The following ADGRL3 variants were observed in gnomAD, a reference collection of about 807,000 sequenced individuals.
ADGRL3 encodes the protein calcium-independent alpha-latrotoxin receptor 3.
A neutral mutation model predicts 153.5 loss-of-function variants in ADGRL3; 62 were observed. The observed-to-expected ratio is 0.40, with a 90% confidence interval of 0.33 to 0.50. ADGRL3 has a LOEUF of 0.50. Among genes scored for constraint, ADGRL3 ranks in the 20% least tolerant of loss-of-function variants. ADGRL3 has a pLI of 0.47. For missense variants in ADGRL3, 1,641 were observed against 1,859.4 expected (o/e 0.88, Z 2.16); for synonymous variants, 710 against 672.5 (o/e 1.06, Z -0.86).
intron 4 of ADGRL3, among the ~76,000 whole-genome samples, chr4:61,581,910 CT>C (rs1181550029): frequency 7.2e-5 from 11 of 151,998 alleles, no homozygotes; most frequent in African/African-American, 2.4e-4. Flanking sequence ...ACCATCTTTT[CT>C]TATCTTTATT....
At chr4:61,843,813 A>G (rs772071409) in intron 9 of ADGRL3, among the ~76,000 whole-genome samples, 1 of 152,072 alleles carries the variant, frequency 6.6e-6, no homozygotes, top group Non-Finnish European at 1.5e-5. Flanking sequence ...GGAGTTCGAG[A>G]CAAGCCTGGG....
chr4:61,972,125 A>G (rs531726188), intron 17 of ADGRL3, among the ~76,000 whole-genome samples: 155 of 151,890 alleles, frequency 1.0e-3, no homozygotes, highest in African/African-American at 3.2e-3. Flanking sequence ...CACTCTGATG[A>G]TAGTTTCTTT....
intron 5 of ADGRL3, among the ~76,000 whole-genome samples, chr4:61,611,334 C>A (rs1426702933): frequency 6.6e-6 from 1 of 152,122 alleles, no homozygotes; most frequent in Admixed American, 6.5e-5. Flanking sequence ...CATGGCCATA[C>A]CTGATGAGAG....
At position 61,409,696 on chromosome 4, in the gene ADGRL3, C is replaced by G. The variant is rs74703113; in HGVS notation, c.-174+26507C>G. Among the ~76,000 whole-genome samples the G allele has an allele frequency of 3.6e-4, 54 of 151,624 alleles. 3 individuals carry two copies. The South Asian group carries it at 0.011, about 31-fold the overall frequency. ...TTTAAAAATAATACGATCATAAGCC[C>G]TTTTTAACCAAAATTTGATTCAGAA... On this transcript the variant is annotated intron_variant, in intron 2 of 26. Transcript: ENST00000683033.
intron 1 of ADGRL3, among the ~76,000 whole-genome samples, chr4:61,251,071 A>G (rs1356848261): frequency 2.0e-5 from 3 of 152,218 alleles, no homozygotes; most frequent in Admixed American, 6.5e-5. Flanking sequence ...ATGGCATAAA[A>G]CAACTACTGT....
At position 62,028,788 on chromosome 4, in the gene ADGRL3, A is replaced by C. The variant is rs866680831; in HGVS notation, c.3396-67A>C. 1.4e-4 allele frequency: 192 copies of C among 1,344,704 alleles called. 4 individuals are homozygous for C. The Middle Eastern group carries it at 3.3e-3, about 23-fold the overall frequency. The allele number at this position is 1,344,704 out of a possible 1,614,324, so 83.3% of individuals were successfully genotyped here. A position where few individuals can be genotyped will look rare whatever the true frequency, so the allele number is the denominator to read the frequency against. On this transcript the variant is annotated intron_variant, in intron 21 of 26. Transcript: ENST00000683033. ...TTTGGGGACCAGGAGAATATTTTTC[A>C]TATGAAATTCTTTGTCATAAAATGC...
chr4:61,333,581 G>A (rs1355528627), intron 1 of ADGRL3, among the ~76,000 whole-genome samples: 1 of 151,638 alleles, frequency 6.6e-6, no homozygotes, highest in African/African-American at 2.4e-5. Flanking sequence ...AATTTCATTT[G>A]CACTTTTTGT....
chr4:61,203,784 G>T (rs1735883591), intron 1 of ADGRL3, among the ~76,000 whole-genome samples: 1 of 152,062 alleles, frequency 6.6e-6, no homozygotes, highest in South Asian at 2.1e-4. Context: ...CAATTTATCT[G>T]CATGTGGATT....
Position 61,813,980 on chromosome 4 carries a change from G to A in ADGRL3, c.1480+91G>A, listed in dbSNP as rs946668676. 8.0e-6 allele frequency: 12 copies of A among 1,505,786 alleles called. No individual in the cohort carries two copies. In the East Asian group the frequency reaches 1.2e-4, roughly 15 times the overall value. The allele number at this position is 1,505,786 out of a possible 1,614,324, so 93.3% of individuals were successfully genotyped here. A position where few individuals can be genotyped will look rare whatever the true frequency, so the allele number is the denominator to read the frequency against. On this transcript the variant is annotated intron_variant, in intron 9 of 26. Coordinates refer to ENST00000683033, the MANE Select transcript of ADGRL3 (RefSeq NM_001387552.1). ...GTACATATGTATTTTGTAATGCAGT[G>A]CCTGTTCAAAAAGCAGGGGTAAAAT...
At chr4:61,734,722 GATAAAGT>G (rs922745642) in intron 8 of ADGRL3, among the ~76,000 whole-genome samples, 3 of 152,148 alleles carry the variant, frequency 2.0e-5, no homozygotes, top group African/African-American at 7.2e-5. Context: ...TCTTCTCCAA[GATAAAGT>G]ATAATGGAAA....
intron 1 of ADGRL3, among the ~76,000 whole-genome samples, chr4:61,344,276 G>A (rs1179624362): frequency 6.6e-6 from 1 of 151,898 alleles, no homozygotes; most frequent in Non-Finnish European, 1.5e-5. Flanking sequence ...TTTTGCCACT[G>A]CATATATATA....
intron 9 of ADGRL3, among the ~76,000 whole-genome samples, chr4:61,815,923 A>T (rs1392170090): frequency 6.6e-6 from 1 of 152,222 alleles, no homozygotes; most frequent in African/African-American, 2.4e-5. Flanking sequence ...GTGAGAAAAT[A>T]AACTTCCATT....
At chr4:62,037,603 A>G in intron 23 of ADGRL3, 128 bp from the exon 24 acceptor site, 3 of 1,008,382 alleles carry the variant, frequency 3.0e-6, no homozygotes, top group Non-Finnish European at 4.5e-6. Flanking sequence ...TGCTGAACAG[A>G]CTTTCTTACA....
At chr4:61,985,439 T>C (rs17292128) in intron 19 of ADGRL3, among the ~76,000 whole-genome samples, 20,243 of 151,920 alleles carry the variant, frequency 0.13, 1,709 homozygotes, top group East Asian at 0.25. Context: ...AAATGAACAC[T>C]ATGGAAAATG....
chr4:61,278,339 G>A (rs895615237), intron 1 of ADGRL3, among the ~76,000 whole-genome samples: 4 of 151,968 alleles, frequency 2.6e-5, no homozygotes, highest in Admixed American at 1.3e-4. Context: ...GGAGTTTTGA[G>A]CAAAAATAAT....
intron 5 of ADGRL3, among the ~76,000 whole-genome samples, chr4:61,648,980 A>G (rs943955556): frequency 6.6e-6 from 1 of 151,756 alleles, no homozygotes; most frequent in Non-Finnish European, 1.5e-5. Flanking sequence ...TCTTACTTTT[A>G]AGTTTTTCTT....
chr4:61,893,081 G>GTCTC (rs35197002), intron 10 of ADGRL3, 123 bp downstream of exon 10: 209,643 of 428,362 alleles, frequency 0.49, 52,634 homozygotes, highest in African/African-American at 0.62. Context: ...CTCCCTCCTT[G>GTCTC]TCTCTTTCTT....
At chr4:61,486,130 G>T (rs1206658139) in intron 2 of ADGRL3, among the ~76,000 whole-genome samples, 2 of 152,132 alleles carry the variant, frequency 1.3e-5, no homozygotes, top group East Asian at 3.9e-4. Flanking sequence ...ATTTTTAGTA[G>T]AGACGGAGTT....
At chr4:61,324,333 C>T (rs929984251) in intron 1 of ADGRL3, among the ~76,000 whole-genome samples, 30 of 151,784 alleles carry the variant, frequency 2.0e-4, no homozygotes, top group African/African-American at 7.3e-4. Flanking sequence ...ATTTGAGAAA[C>T]GTATACCTGG....
Sources: gnomAD v4.1 joint callset for allele counts (sites outside exome capture counted in the v4.1 genomes callset) on GRCh38, gnomAD v4.1.1 for gene constraint, MANE v1.5 for transcripts, NCBI Gene and HGNC (gene_info 2026-07-23, HGNC 2026-07-21) for gene names.